DNAJC7: variants seen among roughly 807,000 people sequenced by gnomAD.
The protein encoded by DNAJC7 is DnaJ heat shock protein family (Hsp40) member C7.
Under a neutral mutation model 67.4 loss-of-function variants are expected in DNAJC7, and 18 were observed. The observed-to-expected ratio is 0.27, with a 90% CI of 0.18 to 0.40. The LOEUF is 0.40. Among genes scored for constraint, DNAJC7 ranks in the 10% least tolerant of loss-of-function variants. The probability of loss-of-function intolerance (pLI) is 1.00; values close to 1 mark genes in which losing one functional copy is unlikely to be tolerated. For synonymous variants in DNAJC7, 220 were observed against 207.8 expected (o/e 1.06, Z -0.50); for missense variants, 419 against 613.8 (o/e 0.68, Z 3.35).
intron 12 of DNAJC7, among the ~76,000 whole-genome samples, chr17:41,981,298 G>A (rs1031711705): frequency 2.6e-5 from 4 of 152,100 alleles, no homozygotes; most frequent in African/African-American, 9.7e-5. Flanking sequence ...CTGGGTGCAA[G>A]CGATTCTCAT....
chr17:41,996,859 T>C (rs1395158490), intron 3 of DNAJC7, among the ~76,000 whole-genome samples: 1 of 152,180 alleles, frequency 6.6e-6, no homozygotes, highest in Non-Finnish European at 1.5e-5. Context: ...ACCTGGGCAA[T>C]GTGCCCTCCA....
chr17:41,995,940 G>A (rs2051645002), intron 4 of DNAJC7, among the ~76,000 whole-genome samples: 1 of 152,198 alleles, frequency 6.6e-6, no homozygotes, highest in Non-Finnish European at 1.5e-5. Context: ...GTGGCTGGGA[G>A]CACAGGTAGG....
intron 4 of DNAJC7, among the ~76,000 whole-genome samples, chr17:41,996,027 T>A (rs565124524): frequency 5.9e-5 from 9 of 152,352 alleles, no homozygotes; most frequent in African/African-American, 2.2e-4. Context: ...AACTCTTAAA[T>A]TCTTTAACCT....
At chr17:42,004,793 A>C (rs2051902147) in intron 1 of DNAJC7, among the ~76,000 whole-genome samples, 1 of 152,216 alleles carries the variant, frequency 6.6e-6, no homozygotes, top group African/African-American at 2.4e-5. Context: ...AGACAGAGAC[A>C]AGAAGACTGC....
At position 41,989,532 on chromosome 17, in the gene DNAJC7, T is replaced by G; in HGVS notation, c.625A>C (p.Asn209His). Residue 209 changes from asparagine to histidine, a missense_variant, in exon 7 of 14, where the codon AAT (asparagine) becomes CAT (histidine). Asn to His is a moderately conservative substitution (Grantham distance 68, BLOSUM62 1). This residue lies in a region of DNAJC7 where 179 missense variants were observed against 249.7 expected (regional missense o/e 0.72). Coordinates refer to ENST00000457167, the MANE Select transcript of DNAJC7 (RefSeq NM_003315.4). The part of the protein sequence containing the change: ...ASDILRMDST[N>H]ADALYVRGLC... ...CCTCGTACATACAGAGCATCTGCAT[T>G]GGTGGAATCCATTCGTAGAATGTCA... 1 of 1,614,022 alleles carries G rather than the reference T, an allele frequency of 6.2e-7. No homozygotes were observed. Among genetic ancestry groups the G allele is most frequent in the Non-Finnish European group, 8.5e-7 (1 of 1,179,890 alleles).
intron 1 of DNAJC7, 117 bp downstream of exon 1, chr17:42,017,221 GGT>G: frequency 2.5e-6 from 4 of 1,597,270 alleles, no homozygotes; most frequent in Non-Finnish European, 3.4e-6. Context: ...CAGATGGGGG[GGT>G]GTTTGCGGAG....
chr17:41,983,353 A>T (rs2143127562), intron 10 of DNAJC7, among the ~76,000 whole-genome samples: 1 of 152,198 alleles, frequency 6.6e-6, no homozygotes, highest in Non-Finnish European at 1.5e-5. Context: ...CCAACTCCTG[A>T]TCTCAGGTGA....
chr17:41,982,959 TAAAAAAAAAAAAAA>T (rs1407802650), intron 10 of DNAJC7, among the ~76,000 whole-genome samples: 1 of 130,660 alleles, frequency 7.7e-6, no homozygotes, highest in East Asian at 2.3e-4. Flanking sequence ...GACTCCATCT[TAAAAAAAAAAAAAA>T]GAAAAAGAAA....
intron 10 of DNAJC7, 68 bp from the exon 11 acceptor site, chr17:41,982,469 C>T: frequency 6.3e-7 from 1 of 1,579,466 alleles, no homozygotes; most frequent in Non-Finnish European, 8.6e-7. Flanking sequence ...GGTCTCAGCC[C>T]AGCTGCCTGG....
Position 41,987,812 on chromosome 17 carries a change from C to T in DNAJC7, c.1010+7G>A. 2 of 1,601,790 alleles carry T rather than the reference C, an allele frequency of 1.2e-6. No individual in the cohort carries two copies. Among genetic ancestry groups the T allele is most frequent in the Non-Finnish European group, 1.7e-6 (2 of 1,173,412 alleles). The stretch of plus-strand genomic sequence containing the variant: ...CCCTCTTCCCCCTACCCATCAGAGG[C>T]ACTTACCACTGAGCTCTTCTCAAGT... On this transcript the variant is annotated splice_region_variant and intron_variant, in intron 9 of 13. Transcript: ENST00000457167.
chr17:41,996,757 T>C (rs2051669747), intron 3 of DNAJC7, among the ~76,000 whole-genome samples: 1 of 152,178 alleles, frequency 6.6e-6, no homozygotes, highest in African/African-American at 2.4e-5. Context: ...CACTCCAGCC[T>C]GGGCGACAGA....
In DNAJC7 at chr17:41,976,751, G is replaced by T; in HGVS notation, c.1467C>A (p.Phe489Leu). 1 of 1,611,112 alleles carries T rather than the reference G, an allele frequency of 6.2e-7. No individual in the cohort carries two copies. The highest frequency in any genetic ancestry group is 1.1e-5 in the South Asian group (1 of 90,928). ...CCCTTCATTAGCCAAATTGAAAAAA[G>T]AAATTCCCTGGACCAGATGCTGAAA... ...FSFEASGPGNFFFQFG is the reference protein window; with the variant it reads ...FSFEASGPGNLFFQFG Residue 489 changes from phenylalanine (F) to leucine (L), a missense_variant, in exon 14 of 14, where the codon TTC (phenylalanine) becomes TTA (leucine). Coordinates refer to ENST00000457167, the MANE Select transcript of DNAJC7 (RefSeq NM_003315.4).
intron 10 of DNAJC7, among the ~76,000 whole-genome samples, chr17:41,983,235 G>A (rs2051295605): frequency 6.6e-6 from 1 of 151,834 alleles, no homozygotes; most frequent in Non-Finnish European, 1.5e-5. Flanking sequence ...AGGAATTCTC[G>A]TGCCCCAGCC....
chr17:42,006,695 G>A (rs1347118387), intron 1 of DNAJC7, among the ~76,000 whole-genome samples: 1 of 146,564 alleles, frequency 6.8e-6, no homozygotes, highest in African/African-American at 2.5e-5. Flanking sequence ...TACCCGGGAC[G>A]CTGATGCAGG....
chr17:41,979,543 A>AGG (rs1555645590), intron 12 of DNAJC7, among the ~76,000 whole-genome samples: 2 of 149,546 alleles, frequency 1.3e-5, no homozygotes, highest in African/African-American at 2.5e-5. Flanking sequence ...ATGGGGGTGG[A>AGG]TGCCTGTAAT....
At chr17:41,988,261 G>T (rs2051431457) in intron 8 of DNAJC7, among the ~76,000 whole-genome samples, 1 of 152,150 alleles carries the variant, frequency 6.6e-6, no homozygotes, top group Admixed American at 6.5e-5. Flanking sequence ...CTAGAATTCT[G>T]CAAGGGCAAG....
intron 1 of DNAJC7, 178 bp downstream of exon 1, chr17:42,017,162 G>A: frequency 2.0e-6 from 3 of 1,504,840 alleles, no homozygotes; most frequent in Non-Finnish European, 1.8e-6. Context: ...GGGAGAGGAA[G>A]GCCGACCCCC....
At chr17:41,985,838 G>C (rs1002627604) in intron 9 of DNAJC7, 13 of 152,146 alleles carry the variant, frequency 8.5e-5, no homozygotes, top group Non-Finnish European at 1.6e-4. Flanking sequence ...TCAGCCAGCT[G>C]AACAGGGCAT....
rs781914909 is a variant in DNAJC7, at chr17:41,990,349, C to T, written c.514G>A (p.Ala172Thr). Reference protein sequence around the residue: ...VFCMDRALEFAPACHRFKILK... With the variant: ...VFCMDRALEFTPACHRFKILK... ...ATTTTGAAGCGATGGCAGGCAGGGGCAAATTCTAGGGCACGGTCCATGCAG... is the reference window on the plus strand; with the variant it reads ...ATTTTGAAGCGATGGCAGGCAGGGGTAAATTCTAGGGCACGGTCCATGCAG... Residue 172 changes from alanine (A) to threonine (T), a missense_variant, in exon 6 of 14, where the codon GCC becomes ACC. Ala to Thr is a moderately conservative substitution (Grantham distance 58). Around this residue, in one of 4 missense-constraint regions of DNAJC7, gnomAD observed 179 missense variants for 249.7 expected, o/e 0.72. Coordinates refer to ENST00000457167, the MANE Select transcript of DNAJC7 (RefSeq NM_003315.4). 1.9e-6 allele frequency: 3 copies of T among 1,611,064 alleles called. No homozygotes were observed. Among genetic ancestry groups the T allele is most frequent in the Non-Finnish European group, 2.5e-6 (3 of 1,178,674 alleles).
Sources: allele counts gnomAD v4.1 joint callset (sites outside exome capture counted in the v4.1 genomes callset), GRCh38; gene constraint gnomAD v4.1.1; regional missense constraint gnomAD v4.1.1; transcripts MANE v1.5; gene names NCBI Gene and HGNC (gene_info 2026-07-23, HGNC 2026-07-21).